PTBP2: variants seen among roughly 807,000 people sequenced by gnomAD.
The protein encoded by PTBP2 is polypyrimidine tract binding protein 2.
PTBP2 carries 13 observed loss-of-function variants against 61.4 expected under a neutral mutation model. The observed-to-expected ratio is 0.21, with a 90% confidence interval of 0.14 to 0.34. The LOEUF (loss-of-function observed/expected upper bound fraction) is 0.34. Ranked by LOEUF, PTBP2 falls within the 10% of genes least tolerant of loss-of-function variation. PTBP2 has a pLI of 1.00. For synonymous variants in PTBP2, 215 were observed against 218.5 expected (o/e 0.98, Z 0.14); for missense variants, 405 against 642.6 (o/e 0.63, Z 4.00).
rs140350120 is a variant in PTBP2 at position 96,812,742 on chromosome 1, A to G, written c.1202A>G (p.Tyr401Cys). Reference sequence around the variant, plus strand: ...AATCATCTTAATGGACAGAAAATGTATGGAAAAATTATTCGTGTTACTCTG... The same window carrying G: ...AATCATCTTAATGGACAGAAAATGTGTGGAAAAATTATTCGTGTTACTCTG... The part of the protein sequence containing the change: ...AMNHLNGQKM[Y>C]GKIIRVTLSK... Residue 401 changes from tyrosine to cysteine, a missense_variant, in exon 12 of 14, where the codon TAT becomes TGT. Tyr to Cys is a radical substitution (Grantham distance 194). This residue lies in a region of PTBP2 where 342 missense variants were observed against 491.2 expected (regional missense o/e 0.70). Coordinates refer to ENST00000674951, the MANE Select transcript of PTBP2 (RefSeq NM_021190.4). 1 of 1,604,590 alleles carries G rather than the reference A, an allele frequency of 6.2e-7. No individual in the cohort carries two copies. The highest frequency in any genetic ancestry group is 1.3e-5 in the African/African-American group (1 of 74,836).
intron 3 of PTBP2, among the ~76,000 whole-genome samples, chr1:96,768,851 T>G (rs1198214624): frequency 6.6e-6 from 1 of 152,030 alleles, no homozygotes; most frequent in East Asian, 1.9e-4. Context: ...TCATTGTAGA[T>G]AAGCCATAAT....
chr1:96,744,001 TA>T (rs779931696), intron 2 of PTBP2, among the ~76,000 whole-genome samples: 3 of 151,976 alleles, frequency 2.0e-5, no homozygotes, highest in Non-Finnish European at 2.9e-5. Context: ...CTACTAAAAA[TA>T]AAATGTGGTG....
intron 8 of PTBP2, among the ~76,000 whole-genome samples, chr1:96,799,273 C>T (rs545311598): frequency 7.2e-6 from 1 of 138,638 alleles, no homozygotes; most frequent in Non-Finnish European, 1.6e-5. Context: ...ATCTTTATAG[C>T]AATCCTCAGA....
At position 96,806,783 on chromosome 1, in the gene PTBP2, A is replaced by G. The variant is rs1039226863; in HGVS notation, c.1079-83A>G. ...ATGTTGATGTCTGAATGTTTCATTGATATGTCAGAAAGATAATCTTTAGGT... is the reference window on the plus strand; with the variant it reads ...ATGTTGATGTCTGAATGTTTCATTGGTATGTCAGAAAGATAATCTTTAGGT... On this transcript the variant is annotated intron_variant, in intron 10 of 13. Transcript: ENST00000674951. 2.2e-5 allele frequency: 21 copies of G among 961,576 alleles called. No homozygotes were observed. The African/African-American group carries it at 3.3e-4, about 15-fold the overall frequency. 59.6% of individuals were successfully genotyped at this position (961,576 alleles called of 1,614,324 possible). A position where few individuals can be genotyped will look rare whatever the true frequency, so the allele number is the denominator to read the frequency against.
At chr1:96,793,379 A>AT (rs1164858226) in intron 8 of PTBP2, among the ~76,000 whole-genome samples, 1 of 151,740 alleles carries the variant, frequency 6.6e-6, no homozygotes, top group African/African-American at 2.4e-5. Flanking sequence ...ATTTTATTTT[A>AT]TTTTTTTTAG....
chr1:96,789,760 A>C (rs1055286838), intron 8 of PTBP2, among the ~76,000 whole-genome samples: 2 of 152,112 alleles, frequency 1.3e-5, no homozygotes, highest in South Asian at 2.1e-4. Flanking sequence ...TTGGTTCAAT[A>C]GCGCTGACAC....
At chr1:96,808,647 C>G (rs1367013426) in intron 11 of PTBP2, among the ~76,000 whole-genome samples, 1 of 152,114 alleles carries the variant, frequency 6.6e-6, no homozygotes, top group Non-Finnish European at 1.5e-5. Flanking sequence ...GATATTGTCA[C>G]TAAAGTTTTG....
intron 7 of PTBP2, among the ~76,000 whole-genome samples, chr1:96,779,347 A>G (rs989390415): frequency 2.0e-5 from 3 of 152,046 alleles, no homozygotes; most frequent in African/African-American, 7.2e-5. Flanking sequence ...CTTGGTGTGG[A>G]ATATTTTCCT....
At chr1:96,787,393 A>C (rs1189013375) in intron 8 of PTBP2, among the ~76,000 whole-genome samples, 2 of 152,192 alleles carry the variant, frequency 1.3e-5, no homozygotes, top group African/African-American at 4.8e-5. Context: ...TCGCTTTGCC[A>C]AAAAATTGTC....
chr1:96,821,993 C>T (rs1381984102), exon 14 of PTBP2: 1 of 152,090 alleles, frequency 6.6e-6, no homozygotes, highest in East Asian at 1.9e-4. Flanking sequence ...TCATTACCTG[C>T]TATGTGCCAG....
intron 3 of PTBP2, among the ~76,000 whole-genome samples, chr1:96,762,948 G>A (rs1417274884): frequency 2.6e-5 from 4 of 151,466 alleles, no homozygotes; most frequent in Middle Eastern, 3.2e-3. Flanking sequence ...ACGGGGCGGC[G>A]GGGCAGCGGC....
chr1:96,749,815 A>C (rs755026117), intron 2 of PTBP2: 35 of 334,090 alleles, frequency 1.0e-4, no homozygotes, highest in Non-Finnish European at 2.1e-4. Flanking sequence ...TGTATAATTT[A>C]ATCCTAAGGG....
intron 5 of PTBP2, among the ~76,000 whole-genome samples, chr1:96,773,593 G>A (rs144979788): frequency 1.9e-3 from 283 of 152,180 alleles, no homozygotes; most frequent in Middle Eastern, 6.8e-3. Flanking sequence ...CTAGGATAAA[G>A]TAATGAAGAG....
chr1:96,804,563 T>C (rs1661325454), intron 8 of PTBP2, among the ~76,000 whole-genome samples: 1 of 152,192 alleles, frequency 6.6e-6, no homozygotes, highest in African/African-American at 2.4e-5. Context: ...TATTTTAACA[T>C]AATACAGGTA....
At chr1:96,738,683 CAA>C (rs1264252946) in intron 2 of PTBP2, among the ~76,000 whole-genome samples, 9 of 152,214 alleles carry the variant, frequency 5.9e-5, no homozygotes, top group Middle Eastern at 3.4e-3. Context: ...TTAAATAAGA[CAA>C]TGATATTGGT....
chr1:96,811,343 T>A lies in PTBP2; in HGVS notation c.1172-1369T>A, dbSNP rs273881. Among the ~76,000 whole-genome samples the A allele has an allele frequency of 2.3e-3, 347 of 152,288 alleles. 1 individual carries two copies. The highest frequency in any genetic ancestry group is 8.2e-3 in the African/African-American group (340 of 41,550). On this transcript the variant is annotated intron_variant, in intron 11 of 13. Transcript: ENST00000674951. ...GTATACTGTTTATATTAGAAACTCT[T>A]TAAAAGTGGATGTTCTATTCTTAAT... is the stretch of plus-strand genomic sequence containing the variant.
At chr1:96,820,211 G>C (rs536963215) in exon 14 of PTBP2, 1 of 151,934 alleles carries the variant, frequency 6.6e-6, no homozygotes, top group South Asian at 2.1e-4. Flanking sequence ...ATTGGGGGTG[G>C]GGGCAGTTTT....
At chr1:96,781,724 G>A (rs570842446) in intron 7 of PTBP2, among the ~76,000 whole-genome samples, 4 of 151,884 alleles carry the variant, frequency 2.6e-5, no homozygotes, top group Non-Finnish European at 4.4e-5. Context: ...ATTTTCTGTC[G>A]GACTGTAAGT....
chr1:96,736,598 T>C (rs910473126), intron 2 of PTBP2, among the ~76,000 whole-genome samples: 1 of 152,168 alleles, frequency 6.6e-6, no homozygotes, highest in Non-Finnish European at 1.5e-5. Context: ...ATATCCCAAG[T>C]TTTCATATTG....
Sources: allele counts gnomAD v4.1 joint callset (sites outside exome capture counted in the v4.1 genomes callset), GRCh38; gene constraint gnomAD v4.1.1; regional missense constraint gnomAD v4.1.1; transcripts MANE v1.5; gene names NCBI Gene and HGNC (gene_info 2026-07-23, HGNC 2026-07-21).